Variants in TTC6 observed in about 807,000 individuals in gnomAD.
TTC6 encodes the protein tetratricopeptide repeat domain 6.
A neutral mutation model predicts 210.4 loss-of-function variants in TTC6; 172 were observed. The ratio of observed to expected loss-of-function variants is 0.82; its 90% confidence interval spans 0.72 to 0.93. The LOEUF (loss-of-function observed/expected upper bound fraction) is 0.93, where lower values mean the gene tolerates loss of function less well. Ranked by LOEUF, TTC6 falls within the 40% of genes least tolerant of loss-of-function variation. The pLI is 0.00. For synonymous variants in TTC6, 804 were observed against 819.6 expected (o/e 0.98, Z 0.32); for missense variants, 2,414 against 2,318.1 (o/e 1.04, Z -0.85).
intron 23 of TTC6, among the ~76,000 whole-genome samples, chr14:37,808,319 C>T (rs111556152): frequency 7.2e-5 from 11 of 152,006 alleles, no homozygotes; most frequent in African/African-American, 2.2e-4. Context: ...CAAAAGAGAA[C>T]GTGGGTAGAA....
At chr14:37,662,226 G>T (rs1388337999) in intron 1 of TTC6, among the ~76,000 whole-genome samples, 1 of 152,142 alleles carries the variant, frequency 6.6e-6, no homozygotes, top group African/African-American at 2.4e-5. Flanking sequence ...TCCTTGTCTT[G>T]TGCCAGTTTT....
chr14:37,701,659 T>C (rs2095825630), intron 5 of TTC6, 133 bp downstream of exon 7: 1 of 707,718 alleles, frequency 1.4e-6, no homozygotes, highest in Non-Finnish European at 2.2e-6. Flanking sequence ...TTTTTGTTTT[T>C]TTCTGCTGCT....
At chr14:37,694,697 A>G (rs968331459) in intron 3 of TTC6, among the ~76,000 whole-genome samples, 1 of 152,102 alleles carries the variant, frequency 6.6e-6, no homozygotes, top group African/African-American at 2.4e-5. Context: ...CAACAGAAGA[A>G]TGGATAAAGA....
intron 14 of TTC6, among the ~76,000 whole-genome samples, chr14:37,780,013 T>G (rs887604416): frequency 5.9e-5 from 9 of 152,216 alleles, no homozygotes; most frequent in Non-Finnish European, 1.3e-4. Context: ...TCTGAATTAC[T>G]GACGAAGTTG....
At chr14:37,611,131 C>T (rs968873155) in intron 2 of TTC6, 3 of 152,306 alleles carry the variant, frequency 2.0e-5, no homozygotes, top group Non-Finnish European at 2.9e-5. Context: ...GGCGGGTGCA[C>T]TTGAGGTGGG....
intron 1 of TTC6, among the ~76,000 whole-genome samples, chr14:37,670,290 T>C (rs2095755715): frequency 6.6e-6 from 1 of 152,116 alleles, no homozygotes; most frequent in Non-Finnish European, 1.5e-5. Context: ...ACTGTAGCAA[T>C]GACACATGGA....
At chr14:37,600,723 T>C (rs2095614134) in intron 1 of TTC6, among the ~76,000 whole-genome samples, 1 of 152,228 alleles carries the variant, frequency 6.6e-6, no homozygotes, top group Non-Finnish European at 1.5e-5. Flanking sequence ...GAAATTATGC[T>C]TTGGACTGCT....
At chr14:37,790,017 C>T (rs1045821270) in intron 15 of TTC6, among the ~76,000 whole-genome samples, 1 of 152,012 alleles carries the variant, frequency 6.6e-6, no homozygotes, top group African/African-American at 2.4e-5. Flanking sequence ...AATCAGTAGG[C>T]GAGAGACATG....
upstream of TTC6, among the ~76,000 whole-genome samples, chr14:37,620,259 G>A (rs2095649182): frequency 6.6e-6 from 1 of 152,094 alleles, no homozygotes; most frequent in Non-Finnish European, 1.5e-5. Context: ...AATCCTATTA[G>A]AGTTCTAGTG....
At chr14:37,746,205 T>A (rs535068109) in intron 10 of TTC6, among the ~76,000 whole-genome samples, 1 of 152,274 alleles carries the variant, frequency 6.6e-6, no homozygotes, top group Non-Finnish European at 1.5e-5. Flanking sequence ...AACAAATTTC[T>A]TGGCTCCCGT....
Position 37,728,888 on chromosome 14 carries a change from C to A in TTC6, c.1818+3886C>A, listed in dbSNP as rs966917. 4.3e-3 allele frequency among the ~76,000 whole-genome samples: 655 copies of A among 152,056 alleles called. 6 individuals carry two copies. The highest frequency in any genetic ancestry group is 7.2e-3 in the Non-Finnish European group (487 of 67,982). ...GAATATGACATAAAGAGCATTCCCCCTCCTTAATGCTGTCCTTCTCCAGTT... is the reference window on the plus strand; with the variant it reads ...GAATATGACATAAAGAGCATTCCCCATCCTTAATGCTGTCCTTCTCCAGTT... On this transcript the variant is annotated intron_variant, in intron 7 of 30. Coordinates refer to ENST00000553443, the Ensembl canonical transcript of TTC6.
rs1314862365 is a variant in TTC6 at position 37,604,513 on chromosome 14, G to A, written c.-234-2150G>A. Among the ~76,000 whole-genome samples, 4 of 152,074 alleles carry A rather than the reference G, an allele frequency of 2.6e-5. 1 individual carries two copies. In the South Asian group the frequency reaches 8.3e-4, roughly 32 times the overall value. ...AAGAGTCTGCCTGTGCCTTTCCTGG[G>A]CTCCTGAGAGTATTGTCGGAGCCCG... On this transcript the variant is annotated intron_variant, in intron 1 of 2. Transcript: ENST00000556845.
At chr14:37,791,368 A>G (rs1182515197) in intron 16 of TTC6, among the ~76,000 whole-genome samples, 1 of 152,208 alleles carries the variant, frequency 6.6e-6, no homozygotes, top group African/African-American at 2.4e-5. Flanking sequence ...TGCACTAGTC[A>G]GAAAGTCAAA....
At chr14:37,706,136 C>T (rs2095835058) in intron 5 of TTC6, among the ~76,000 whole-genome samples, 1 of 152,046 alleles carries the variant, frequency 6.6e-6, no homozygotes, top group Non-Finnish European at 1.5e-5. Flanking sequence ...CGTGTGAGTG[C>T]TTGGGGGAGG....
chr14:37,700,377 C>T (rs1646438248), intron 4 of TTC6, among the ~76,000 whole-genome samples: 1 of 152,244 alleles, frequency 6.6e-6, no homozygotes, highest in South Asian at 2.1e-4. Flanking sequence ...GGACCTAGCA[C>T]AGAATCTGGC....
Position 37,644,787 on chromosome 14 carries a change from A to C in TTC6, c.939+21784A>C, listed in dbSNP as rs1018051444. Among the ~76,000 whole-genome samples, 4 of 152,214 alleles carry C rather than the reference A, an allele frequency of 2.6e-5. No homozygotes were observed. The South Asian group carries it at 8.3e-4, about 31-fold the overall frequency. ...ACACAGTTTTTAGCTTTAAGGAATT[A>C]GGTAACATAACAAGGGAGCTAGCAG... is the stretch of plus-strand genomic sequence containing the variant. On this transcript the variant is annotated intron_variant, in intron 1 of 30. Transcript: ENST00000553443.
At chr14:37,757,799 C>T (rs1411416940) in intron 14 of TTC6, among the ~76,000 whole-genome samples, 8 of 152,036 alleles carry the variant, frequency 5.3e-5, no homozygotes, top group Admixed American at 1.3e-4. Flanking sequence ...TTAGATTGTT[C>T]CTGCTTTCTC....
intron 5 of TTC6, among the ~76,000 whole-genome samples, chr14:37,707,274 G>T (rs1566901477): frequency 6.6e-6 from 1 of 152,112 alleles, no homozygotes; most frequent in African/African-American, 2.4e-5. Context: ...TACATGGAAA[G>T]CTCTTCTTAT....
At chr14:37,768,994 G>A (rs1414151474) in intron 14 of TTC6, among the ~76,000 whole-genome samples, 1 of 152,108 alleles carries the variant, frequency 6.6e-6, no homozygotes, top group African/African-American at 2.4e-5. Context: ...CTAATTTATT[G>A]AGAGTTTTTA....
Sources: gnomAD v4.1 joint callset for allele counts (sites outside exome capture counted in the v4.1 genomes callset) on GRCh38, gnomAD v4.1.1 for gene constraint, MANE v1.5 for transcripts, NCBI Gene and HGNC (gene_info 2026-07-23, HGNC 2026-07-21) for gene names.